KCNQ1: variants seen among roughly 807,000 people sequenced by gnomAD.
KCNQ1 encodes the protein potassium voltage-gated channel subfamily KQT member 1.
In KCNQ1, 49 loss-of-function variants were observed where a neutral mutation model predicts 72.4. The ratio of observed to expected loss-of-function variants is 0.68; its 90% CI spans 0.54 to 0.86. The LOEUF is 0.86. Among genes scored for constraint, KCNQ1 ranks in the 40% least tolerant of loss-of-function variants. KCNQ1 has a pLI of 0.00. For missense variants in KCNQ1, 790 were observed against 945.1 expected (o/e 0.84, Z 2.15); for synonymous variants, 450 against 412.6 (o/e 1.09, Z -1.10).
chr11:2,783,430 G>A lies in KCNQ1; in HGVS notation c.1794+5393G>A, dbSNP rs962829182. On this transcript the variant is annotated intron_variant, in intron 15 of 15. Transcript: ENST00000155840. The surrounding 1 kb of genome is among the most constrained non-coding windows in gnomAD (Gnocchi z 5.2). The stretch of plus-strand genomic sequence containing the variant: ...AACAAGGTATATTCTGACATTGTTG[G>A]GTGCAGTGTTATGTTCATATCCACT... Among the ~76,000 whole-genome samples the A allele has an allele frequency of 6.6e-6, 1 of 152,036 alleles. No individual in the cohort carries two copies. Among genetic ancestry groups the A allele is most frequent in the Non-Finnish European group, 1.5e-5 (1 of 67,936 alleles).
At position 2,515,864 on chromosome 11, in the gene KCNQ1, C is replaced by A. The variant is rs1847280220; in HGVS notation, c.387-12064C>A. Among the ~76,000 whole-genome samples, 1 of 151,980 alleles carries A rather than the reference C, an allele frequency of 6.6e-6. No homozygotes were observed. The highest frequency in any genetic ancestry group is 2.4e-5 in the African/African-American group (1 of 41,384). ...TGCCGGGCCACCTGCACCCTCCGGG[C>A]CCCAGGAGAAGCTCATGCCTTTCCT... On this transcript the variant is annotated intron_variant, in intron 1 of 15. Transcript: ENST00000155840. This position sits in a 1 kb window ranked among gnomAD's most constrained non-coding sequence, Gnocchi z 4.7.
chr11:2,799,461 GGT>G (rs1847214254), intron 15 of KCNQ1, among the ~76,000 whole-genome samples: 1 of 151,912 alleles, frequency 6.6e-6, no homozygotes, highest in Non-Finnish European at 1.5e-5. Context: ...TGTGTGGTGT[GGT>G]GTGTTTGTAT....
At chr11:2,696,305 C>T (rs1294447476) in intron 11 of KCNQ1, 1 of 398,632 alleles carries the variant, frequency 2.5e-6, no homozygotes, top group African/African-American at 2.1e-5. Context: ...AGTTAGGAAT[C>T]CATATTCCTA....
At chr11:2,569,839 C>G (rs768510892) in intron 2 of KCNQ1, among the ~76,000 whole-genome samples, 1 of 152,214 alleles carries the variant, frequency 6.6e-6, no homozygotes, top group Non-Finnish European at 1.5e-5. Context: ...GAAACTGAGG[C>G]CCAGCTTTCC....
intron 15 of KCNQ1, among the ~76,000 whole-genome samples, chr11:2,789,905 C>T (rs1403952216): frequency 2.0e-5 from 3 of 152,212 alleles, no homozygotes; most frequent in Non-Finnish European, 4.4e-5. Context: ...GGACCACCCC[C>T]AATCCTAACA....
chr11:2,620,517 A>T lies in KCNQ1; in HGVS notation c.1393+31663A>T. 2.6e-6 allele frequency: 1 copy of T among 387,360 alleles called. No individual in the cohort carries two copies. The highest frequency in any genetic ancestry group is 1.4e-4 in the South Asian group (1 of 6,926). The allele number at this position is 387,360 out of a possible 1,614,324, so 24.0% of individuals were successfully genotyped here. A position where few individuals can be genotyped will look rare whatever the true frequency, so the allele number is the denominator to read the frequency against. ...AGGTGAGAGCTACCGCACCTGGCCG[A>T]ATTCATTCATTTTTATGGCTGCATA... is the stretch of plus-strand genomic sequence containing the variant. On this transcript the variant is annotated intron_variant, in intron 10 of 15. Transcript: ENST00000155840. The surrounding 1 kb of genome is among the most constrained non-coding windows in gnomAD (Gnocchi z 4.5).
At chr11:2,591,416 G>A (rs1316180480) in intron 10 of KCNQ1, among the ~76,000 whole-genome samples, 2 of 152,248 alleles carry the variant, frequency 1.3e-5, no homozygotes, top group East Asian at 3.8e-4. Flanking sequence ...TGAGCCCCCG[G>A]GACGTGCTCC....
intron 1 of KCNQ1, among the ~76,000 whole-genome samples, chr11:2,522,787 G>A (rs1847411988): frequency 6.6e-6 from 1 of 152,200 alleles, no homozygotes; most frequent in East Asian, 1.9e-4. Flanking sequence ...CAACCCCCGG[G>A]CCTGGAGCCC....
rs1272531394 is a variant in KCNQ1, at chr11:2,471,915, T to A, written c.386+26431T>A. On this transcript the variant is annotated intron_variant, in intron 1 of 15. Transcript: ENST00000155840. The surrounding 1 kb of genome is among the most constrained non-coding windows in gnomAD (Gnocchi z 4.8). ...ATAGGTGTGTGTATGCGTGCACCTA[T>A]GTGTGTATAGGCGTGTATGTGTGCG... is the stretch of plus-strand genomic sequence containing the variant. Among the ~76,000 whole-genome samples, 2 of 150,762 alleles carry A rather than the reference T, an allele frequency of 1.3e-5. No individual in the cohort carries two copies. The highest frequency in any genetic ancestry group is 3.9e-4 in the East Asian group (2 of 5,076).
chr11:2,696,944 C>T, intron 11 of KCNQ1: 1 of 398,424 alleles, frequency 2.5e-6, no homozygotes, highest in Non-Finnish European at 4.4e-6. Flanking sequence ...AATCTGAAAT[C>T]TCTCTTTAGT....
intron 15 of KCNQ1, among the ~76,000 whole-genome samples, chr11:2,798,171 A>G (rs1178601680): frequency 6.6e-6 from 1 of 152,074 alleles, no homozygotes; most frequent in Non-Finnish European, 1.5e-5. Flanking sequence ...CATGGTGCAA[A>G]CCCACATGGC....
Position 2,587,652 on chromosome 11 carries a change from C to A in KCNQ1, c.1211C>A (p.Thr404Asn). The A allele has an allele frequency of 6.2e-7, 1 of 1,613,974 alleles. No homozygotes were observed. The stretch of plus-strand genomic sequence containing the variant: ...ATCCGGAAGGCCCCCCGGAGCCACA[C>A]TCTGCTGTCACCCAGCCCCAAACCC... Reference protein sequence around the residue: ...IYIRKAPRSHTLLSPSPKPKK... With the variant: ...IYIRKAPRSHNLLSPSPKPKK... Residue 404 changes from threonine to asparagine, a missense_variant, in exon 9 of 16, where the codon ACT becomes AAT. Physicochemically the swap from Thr to Asn is moderately conservative, Grantham distance 65. Coordinates refer to ENST00000155840, the MANE Select transcript of KCNQ1 (RefSeq NM_000218.3).
rs183286068 is a variant in KCNQ1, at chr11:2,669,223, G to A, written c.1514+7142G>A. The A allele has an allele frequency of 4.1e-3, 1,618 of 398,658 alleles. 38 individuals are homozygous for A. The Admixed American group carries it at 0.05, about 12-fold the overall frequency. The allele number at this position is 398,658 out of a possible 1,614,324, so 24.7% of individuals were successfully genotyped here. A position where few individuals can be genotyped will look rare whatever the true frequency, so the allele number is the denominator to read the frequency against. The stretch of plus-strand genomic sequence containing the variant: ...GTTTGCTAACAGGTTTTGACAGCTG[G>A]TCCTGCTGGCTCTGGCTGCTTCTCC... On this transcript the variant is annotated intron_variant, in intron 11 of 15. Transcript: ENST00000155840. The surrounding 1 kb of genome is among the most constrained non-coding windows in gnomAD (Gnocchi z 5.6).
At chr11:2,680,928 T>C (rs1196428066) in intron 11 of KCNQ1, 3 of 398,506 alleles carry the variant, frequency 7.5e-6, no homozygotes, top group African/African-American at 6.2e-5. Context: ...TGGGTTTGTA[T>C]TTTTAAAGCT....
At position 2,848,419 on chromosome 11, in the gene KCNQ1, C is replaced by G. The variant is rs1384565902; in HGVS notation, c.*416C>G. On this transcript the variant is annotated 3_prime_UTR_variant, in exon 16 of 16. Transcript: ENST00000155840. ...GACAGAGCAACCCCTGGACCCCAGC[C>G]TCAAATCCAGGACCCTGCCAGGCAC... 2.1e-6 allele frequency: 1 copy of G among 475,476 alleles called. No individual in the cohort carries two copies. Among genetic ancestry groups the G allele is most frequent in the African/African-American group, 2.0e-5 (1 of 50,968 alleles). 29.5% of individuals were successfully genotyped at this position (475,476 alleles called of 1,614,324 possible).
intron 11 of KCNQ1, among the ~76,000 whole-genome samples, chr11:2,708,710 G>A (rs536563692): frequency 1.1e-4 from 16 of 152,050 alleles, no homozygotes; most frequent in African/African-American, 3.4e-4. Flanking sequence ...GTTTATACGC[G>A]GGTTGCGGGG....
At chr11:2,449,569 C>T (rs1451146221) in intron 1 of KCNQ1, among the ~76,000 whole-genome samples, 2 of 152,124 alleles carry the variant, frequency 1.3e-5, no homozygotes, top group South Asian at 2.1e-4. Context: ...GCATGTGGCA[C>T]GTCTTGCAGA....
In KCNQ1 at chr11:2,607,714, T is replaced by A. The variant is rs77470024; in HGVS notation, c.1393+18860T>A. Among the ~76,000 whole-genome samples, 9 of 152,352 alleles carry A rather than the reference T, an allele frequency of 5.9e-5. No individual in the cohort carries two copies. In the East Asian group the frequency reaches 1.7e-3, roughly 29 times the overall value. ...AACAGTCTGAACAGACTGACAGAAA[T>A]CGTGGTGTTTTGTCTTTTATTCTGT... On this transcript the variant is annotated intron_variant, in intron 10 of 15. Coordinates refer to ENST00000155840, the MANE Select transcript of KCNQ1 (RefSeq NM_000218.3).
intron 1 of KCNQ1, among the ~76,000 whole-genome samples, chr11:2,518,770 A>G (rs1355865177): frequency 6.6e-6 from 1 of 152,134 alleles, no homozygotes; most frequent in Non-Finnish European, 1.5e-5. Context: ...CTGGGATCCC[A>G]TGGCTTTCAA....
Sources: gnomAD v4.1 joint callset for allele counts (sites outside exome capture counted in the v4.1 genomes callset) on GRCh38, gnomAD v4.1.1 for gene constraint, Gnocchi (gnomAD v3.1) non-coding constraint, MANE v1.5 for transcripts, NCBI Gene and HGNC (gene_info 2026-07-23, HGNC 2026-07-21) for gene names.